Variants in DMD observed in about 807,000 individuals in gnomAD.
The protein encoded by DMD is dystrophin.
DMD carries 63 observed loss-of-function variants against 330.1 expected under a neutral mutation model. The ratio of observed to expected loss-of-function variants is 0.19; its 90% CI spans 0.16 to 0.24. The LOEUF (loss-of-function observed/expected upper bound fraction) is 0.24. Among genes scored for constraint, DMD ranks in the 10% least tolerant of loss-of-function variants. DMD has a pLI of 1.00. For synonymous variants in DMD, 1,223 were observed against 959.8 expected, an observed-to-expected ratio of 1.27 and a Z score of -5.07; for missense variants, 3,344 against 2,684.1, an observed-to-expected ratio of 1.25 and a Z score of -5.43.
intron 1 of DMD, among the ~76,000 whole-genome samples, chrX:33,206,573 T>C (rs2051581931): frequency 9.0e-6 from 1 of 111,536 alleles, no homozygotes. Context: ...CTAAGAACAT[T>C]GGTTTTCTCA....
chrX:32,619,207 T>C (rs1200385274), intron 11 of DMD, among the ~76,000 whole-genome samples: 1 of 111,130 alleles, frequency 9.0e-6, no homozygotes, highest in African/African-American at 3.3e-5. Flanking sequence ...AATAAGCCAG[T>C]AAAGAAAGAA....
At chrX:32,923,317 T>G (rs764848567) in intron 2 of DMD, among the ~76,000 whole-genome samples, 1 of 111,407 alleles carries the variant, frequency 9.0e-6, no homozygotes. Flanking sequence ...TCTCAATACT[T>G]TGGGAGGCCA....
chrX:33,018,020 AG>A (rs779126415), intron 2 of DMD, among the ~76,000 whole-genome samples: 1 of 112,676 alleles, frequency 8.9e-6, no homozygotes, highest in African/African-American at 3.2e-5. Context: ...CTTCTTCAAA[AG>A]TGTCTAAAAG....
intron 2 of DMD, among the ~76,000 whole-genome samples, chrX:32,913,706 G>A (rs908998208): frequency 3.6e-5 from 4 of 111,820 alleles, no homozygotes; most frequent in African/African-American, 1.3e-4. Context: ...AGCACCCACT[G>A]CTTCTCTGTG....
intron 48 of DMD, among the ~76,000 whole-genome samples, chrX:31,838,774 G>A (rs1181666583): frequency 9.0e-6 from 1 of 111,387 alleles, no homozygotes. Context: ...GGGTGGGTGG[G>A]ATAGTAGTGA....
intron 7 of DMD, among the ~76,000 whole-genome samples, chrX:32,739,313 G>C (rs1170247390): frequency 9.0e-6 from 1 of 111,612 alleles, no homozygotes; most frequent in Non-Finnish European, 1.9e-5. Flanking sequence ...AGAACATGTG[G>C]CCAAGTCTTT....
At chrX:31,327,919 A>C (rs1177720333) in intron 61 of DMD, among the ~76,000 whole-genome samples, 1 of 112,544 alleles carries the variant, frequency 8.9e-6, no homozygotes, top group African/African-American at 3.2e-5. Context: ...TTATCCATTC[A>C]CCTGTTCAAA....
intron 30 of DMD, among the ~76,000 whole-genome samples, chrX:32,410,123 CACTT>C (rs915995638): frequency 9.0e-6 from 1 of 111,198 alleles, no homozygotes; most frequent in Admixed American, 9.6e-5. Context: ...AAACCTATCA[CACTT>C]ACCCTCTAAA....
chrX:32,485,553 ATATGTG>A (rs892083708), intron 20 of DMD, among the ~76,000 whole-genome samples: 6 of 109,321 alleles, frequency 5.5e-5, no homozygotes, highest in African/African-American at 2.0e-4. Flanking sequence ...ACATATATGT[ATATGTG>A]TATACTATAA....
chrX:31,303,510 C>T (rs1254241427), intron 62 of DMD, among the ~76,000 whole-genome samples: 1 of 111,469 alleles, frequency 9.0e-6, no homozygotes, highest in African/African-American at 3.3e-5. Flanking sequence ...TTTCTCTTTG[C>T]GCCCTTCCTC....
At position 31,177,845 on chromosome X, in the gene DMD, AAAAC is replaced by A. The variant is rs747609786; in HGVS notation, c.10262+83_10262+86del. On this transcript the variant is annotated intron_variant, in intron 71 of 78. Transcript: ENST00000357033. ...TCCATAAAACAAAACAAAACAAAAG[AAAAC>A]AAACAAATAAACAGAACAAAAGAGA... is the stretch of plus-strand genomic sequence containing the variant. 1.3e-3 allele frequency: 1,132 copies of A among 874,507 alleles called. 9 individuals carry two copies. In the African/African-American group the frequency reaches 0.02, roughly 15 times the overall value. 72.1% of individuals were successfully genotyped at this position (874,507 alleles called of 1,213,427 possible). A position where few individuals can be genotyped will look rare whatever the true frequency, so the allele number is the denominator to read the frequency against.
At position 32,844,394 on chromosome X, in the gene DMD, G is replaced by T. The variant is rs5972692; in HGVS notation, c.264+389C>A. 6.8e-3 allele frequency among the ~76,000 whole-genome samples: 579 copies of T among 84,529 alleles called. 6 individuals are homozygous for T. The highest frequency in any genetic ancestry group is 0.026 in the African/African-American group (526 of 20,133). 73.4% of individuals were successfully genotyped at this position (84,529 alleles called of 115,157 possible). A position where few individuals can be genotyped will look rare whatever the true frequency, so the allele number is the denominator to read the frequency against. The stretch of plus-strand genomic sequence containing the variant: ...GCACTCCAGCCTGGGACAGAAGAGC[G>T]AGACTCCATCTCAAAAAAAAAAAAA... On this transcript the variant is annotated intron_variant, in intron 4 of 78. Coordinates refer to ENST00000357033, the MANE Select transcript of DMD (RefSeq NM_004006.3).
chrX:31,233,508 C>G (rs894519538), intron 63 of DMD, among the ~76,000 whole-genome samples: 15 of 110,491 alleles, frequency 1.4e-4, no homozygotes, highest in Admixed American at 1.2e-3. Flanking sequence ...TAATGTTGTG[C>G]CTTAGCTTTT....
At chrX:32,800,330 A>T (rs960021849) in intron 7 of DMD, among the ~76,000 whole-genome samples, 1 of 111,737 alleles carries the variant, frequency 8.9e-6, no homozygotes, top group Non-Finnish European at 1.9e-5. Context: ...ACTTCAAGAG[A>T]TGGTGTTCTG....
chrX:32,849,845 AT>A (rs2080990999), intron 2 of DMD, 25 bp from the exon 3 acceptor site: 4 of 1,044,019 alleles, frequency 3.8e-6, no homozygotes, highest in African/African-American at 1.9e-5. Context: ...AATACACTCA[AT>A]TTAACAAAGC....
intron 7 of DMD, among the ~76,000 whole-genome samples, chrX:32,715,444 A>G (rs1477041099): frequency 2.2e-5 from 2 of 92,350 alleles, no homozygotes; most frequent in Non-Finnish European, 4.2e-5. Flanking sequence ...GCCACTGCAC[A>G]TCAGCCTGGT....
chrX:33,034,153 G>C (rs1185745381), intron 1 of DMD, among the ~76,000 whole-genome samples: 1 of 110,572 alleles, frequency 9.0e-6, no homozygotes, highest in African/African-American at 3.3e-5. Context: ...TTTATATTCT[G>C]ATATGAATAT....
chrX:31,863,329 C>A (rs974335397), intron 48 of DMD, among the ~76,000 whole-genome samples: 10 of 112,042 alleles, frequency 8.9e-5, no homozygotes, highest in African/African-American at 1.9e-4. Flanking sequence ...GGCGACTGAG[C>A]AAGACTCCGT....
At chrX:31,976,752 C>T (rs2095439074) in intron 44 of DMD, among the ~76,000 whole-genome samples, 1 of 111,566 alleles carries the variant, frequency 9.0e-6, no homozygotes, top group African/African-American at 3.3e-5. Flanking sequence ...TTTAAGAGAA[C>T]AGAATTAAGC....
Sources: allele counts gnomAD v4.1 joint callset (sites outside exome capture counted in the v4.1 genomes callset), GRCh38; gene constraint gnomAD v4.1.1; transcripts MANE v1.5; gene names NCBI Gene and HGNC (gene_info 2026-07-23, HGNC 2026-07-21).